Variants in CNTNAP5 observed in about 807,000 individuals in gnomAD.
The protein encoded by CNTNAP5 is contactin associated protein family member 5, also known as contactin-associated protein-like 5.
CNTNAP5 carries 72 observed loss-of-function variants against 150.2 expected under a neutral mutation model. The ratio of observed to expected loss-of-function variants is 0.48; its 90% confidence interval spans 0.40 to 0.58. The LOEUF (loss-of-function observed/expected upper bound fraction) is 0.58, where lower values mean the gene tolerates loss of function less well. Ranked by LOEUF, CNTNAP5 falls within the 20% of genes least tolerant of loss-of-function variation. The probability of loss-of-function intolerance (pLI) is 0.00; values close to 1 mark genes in which losing one functional copy is unlikely to be tolerated. For missense variants in CNTNAP5, 1,636 were observed against 1,626.2 expected (o/e 1.01, Z -0.10); for synonymous variants, 672 against 619.8 (o/e 1.08, Z -1.25).
intron 12 of CNTNAP5, among the ~76,000 whole-genome samples, chr2:124,628,324 A>T (rs1677774449): frequency 6.6e-6 from 1 of 152,142 alleles, no homozygotes; most frequent in African/African-American, 2.4e-5. Context: ...AGAAAGGCCA[A>T]ATCACATACA....
intron 10 of CNTNAP5, among the ~76,000 whole-genome samples, chr2:124,529,268 A>C (rs554103504): frequency 6.6e-6 from 1 of 152,294 alleles, no homozygotes; most frequent in East Asian, 1.9e-4. Flanking sequence ...TGATCAATAC[A>C]GGGAACATTT....
chr2:124,827,735 G>A (rs150081606), intron 19 of CNTNAP5, among the ~76,000 whole-genome samples: 1,943 of 152,220 alleles, frequency 0.013, 46 homozygotes, highest in African/African-American at 0.044. Context: ...TAAATATGAT[G>A]TAGCTTTTCA....
At chr2:124,622,084 C>T (rs914146822) in intron 12 of CNTNAP5, among the ~76,000 whole-genome samples, 3 of 152,044 alleles carry the variant, frequency 2.0e-5, no homozygotes, top group African/African-American at 7.2e-5. Context: ...AGCCCAGCAT[C>T]CATTAGCTAT....
chr2:124,851,759 G>C (rs183658558), intron 19 of CNTNAP5, among the ~76,000 whole-genome samples: 19 of 152,294 alleles, frequency 1.2e-4, no homozygotes, highest in Admixed American at 1.0e-3. Flanking sequence ...GAATGGATAG[G>C]AGAAAGAAGC....
intron 1 of CNTNAP5, among the ~76,000 whole-genome samples, chr2:124,065,900 C>T (rs769757471): frequency 2.6e-5 from 4 of 152,144 alleles, no homozygotes; most frequent in Non-Finnish European, 4.4e-5. Context: ...GCTTAAAGTC[C>T]ATCTGCTTTA....
chr2:124,465,368 G>C (rs1457412081), intron 6 of CNTNAP5, among the ~76,000 whole-genome samples: 2 of 145,564 alleles, frequency 1.4e-5, no homozygotes, highest in Admixed American at 1.4e-4. Context: ...TGACCACTAA[G>C]ATCAATGAAA....
chr2:124,729,122 C>G (rs1680217980), intron 13 of CNTNAP5, among the ~76,000 whole-genome samples: 1 of 152,020 alleles, frequency 6.6e-6, no homozygotes, highest in South Asian at 2.1e-4. Context: ...TCACATCAAT[C>G]CTGATCTACT....
rs992477899 is a variant in CNTNAP5 at position 124,405,664 on chromosome 2, G to A, written c.382-11779G>A. ...ACTGTGATCAAATGAATTGATGAAT[G>A]TTCTTTGTAGTTATTCGTGGCCTCA... On this transcript the variant is annotated intron_variant, in intron 3 of 23. Coordinates refer to ENST00000682447, the MANE Select transcript of CNTNAP5 (RefSeq NM_001367498.1). 1.1e-4 allele frequency among the ~76,000 whole-genome samples: 16 copies of A among 152,186 alleles called. 1 individual carries two copies. The highest frequency in any genetic ancestry group is 4.4e-5 in the Non-Finnish European group (3 of 68,034).
intron 1 of CNTNAP5, among the ~76,000 whole-genome samples, chr2:124,168,480 T>C (rs1529302): frequency 0.97 from 147,471 of 152,256 alleles, 71,595 homozygotes; most frequent in East Asian, 1. Context: ...AAGTTCTTCA[T>C]CTTGTAAACA....
chr2:124,444,499 G>A (rs368809641), intron 5 of CNTNAP5, among the ~76,000 whole-genome samples: 1 of 152,102 alleles, frequency 6.6e-6, no homozygotes, highest in East Asian at 1.9e-4. Flanking sequence ...AGAGGCTGAG[G>A]CAGGAGAATC....
At chr2:124,878,607 G>A (rs919372394) in intron 21 of CNTNAP5, among the ~76,000 whole-genome samples, 2 of 152,080 alleles carry the variant, frequency 1.3e-5, no homozygotes, top group East Asian at 3.9e-4. Context: ...AATGGATAAG[G>A]CAAGGTGTTA....
At chr2:124,564,721 A>G (rs1348833427) in intron 11 of CNTNAP5, among the ~76,000 whole-genome samples, 2 of 152,232 alleles carry the variant, frequency 1.3e-5, no homozygotes, top group Non-Finnish European at 1.5e-5. Flanking sequence ...ATGAAAAAGT[A>G]TAGAAAGTTT....
chr2:124,548,287 A>G (rs1034478054), intron 10 of CNTNAP5, among the ~76,000 whole-genome samples: 1 of 152,130 alleles, frequency 6.6e-6, no homozygotes, highest in Non-Finnish European at 1.5e-5. Context: ...TGTAGTTTGA[A>G]TCATTAACAA....
chr2:124,655,982 AG>A (rs1678443287), intron 13 of CNTNAP5, among the ~76,000 whole-genome samples: 12 of 149,016 alleles, frequency 8.1e-5, no homozygotes, highest in Non-Finnish European at 1.0e-4. Context: ...AAAGAAAGAA[AG>A]AAAGAAAGAA....
At chr2:124,458,766 A>G (rs1438636217) in intron 6 of CNTNAP5, among the ~76,000 whole-genome samples, 1 of 152,234 alleles carries the variant, frequency 6.6e-6, no homozygotes, top group African/African-American at 2.4e-5. Flanking sequence ...GTAACAATGA[A>G]AAAATATGTA....
chr2:124,282,086 C>T (rs928020172), intron 3 of CNTNAP5, among the ~76,000 whole-genome samples: 1 of 152,060 alleles, frequency 6.6e-6, no homozygotes, highest in Non-Finnish European at 1.5e-5. Flanking sequence ...AAGACTAGAG[C>T]TGCTAAAAAG....
chr2:124,790,202 A>C, intron 18 of CNTNAP5, 61 bp downstream of exon 18: 1 of 1,490,188 alleles, frequency 6.7e-7, no homozygotes, highest in Non-Finnish European at 9.0e-7. Context: ...CGCTATGGTC[A>C]GGCCATGTGA....
At chr2:124,800,899 G>A (rs1222872728) in intron 19 of CNTNAP5, among the ~76,000 whole-genome samples, 3 of 152,122 alleles carry the variant, frequency 2.0e-5, no homozygotes, top group Admixed American at 2.0e-4. Context: ...GAGGTCCTGA[G>A]AACATGCGCC....
intron 1 of CNTNAP5, among the ~76,000 whole-genome samples, chr2:124,108,151 G>A (rs1350538997): frequency 2.0e-5 from 3 of 152,076 alleles, no homozygotes; most frequent in African/African-American, 7.2e-5. Context: ...ACATTGCCAG[G>A]GTGAAATTGC....
Sources: gnomAD v4.1 joint callset for allele counts (sites outside exome capture counted in the v4.1 genomes callset) on GRCh38, gnomAD v4.1.1 for gene constraint, MANE v1.5 for transcripts, NCBI Gene and HGNC (gene_info 2026-07-23, HGNC 2026-07-21) for gene names.